The following KIF16B variants were observed in gnomAD, a reference collection of about 807,000 sequenced individuals.
KIF16B encodes the protein kinesin-like protein KIF16B.
A neutral mutation model predicts 156.3 loss-of-function variants in KIF16B; 98 were observed. That is an observed-to-expected ratio of 0.63 (90% confidence interval 0.53 to 0.74). The LOEUF is 0.74. Ranked by LOEUF, KIF16B falls within the 30% of genes least tolerant of loss-of-function variation. The pLI, the probability that KIF16B is intolerant of heterozygous loss-of-function variation, is 0.00. For missense variants in KIF16B, 1,421 were observed against 1,606.5 expected (o/e 0.88, Z 1.97); for synonymous variants, 564 against 583.7 (o/e 0.97, Z 0.49).
chr20:16,415,859 C>T (rs1266302976), intron 15 of KIF16B, among the ~76,000 whole-genome samples: 5 of 152,130 alleles, frequency 3.3e-5, no homozygotes, highest in South Asian at 2.1e-4. Context: ...GCACACTCCA[C>T]CCTGTTTCTC....
chr20:16,405,241 A>G (rs570242998), intron 16 of KIF16B, among the ~76,000 whole-genome samples: 1 of 152,254 alleles, frequency 6.6e-6, no homozygotes, highest in South Asian at 2.1e-4. Context: ...GCAGGCAGCA[A>G]TCTCCTATAA....
At chr20:16,462,615 C>T (rs564235842) in intron 12 of KIF16B, among the ~76,000 whole-genome samples, 4 of 151,966 alleles carry the variant, frequency 2.6e-5, no homozygotes, top group East Asian at 1.9e-4. Flanking sequence ...GAGAGCAAAG[C>T]GAACAGGAGG....
In KIF16B at chr20:16,374,138, A is replaced by T. The variant is rs1321603253; in HGVS notation, c.3350+119T>A. 3 of 968,710 alleles carry T rather than the reference A, an allele frequency of 3.1e-6. No homozygotes were observed. In the African/African-American group the frequency reaches 5.0e-5, roughly 16 times the overall value. The allele number at this position is 968,710 out of a possible 1,614,324, so 60.0% of individuals were successfully genotyped here. A position where few individuals can be genotyped will look rare whatever the true frequency, so the allele number is the denominator to read the frequency against. On this transcript the variant is annotated intron_variant, in intron 20 of 25. Coordinates refer to ENST00000354981, the MANE Select transcript of KIF16B (RefSeq NM_024704.5). The stretch of plus-strand genomic sequence containing the variant: ...GATGAAGGCAGAGCACATCTCAAGC[A>T]CGTGTATTACTTGTTGCCCTTAATA...
intron 12 of KIF16B, among the ~76,000 whole-genome samples, chr20:16,464,559 A>G (rs1215018353): frequency 6.6e-6 from 1 of 152,162 alleles, no homozygotes; most frequent in Non-Finnish European, 1.5e-5. Context: ...CAAACATCAA[A>G]CTTGTGACAA....
intron 1 of KIF16B, among the ~76,000 whole-genome samples, chr20:16,560,224 CA>C: frequency 6.6e-6 from 1 of 152,228 alleles, no homozygotes; most frequent in South Asian, 2.1e-4. Flanking sequence ...GAGAACAGAC[CA>C]GATATTTTCG....
At chr20:16,473,508 C>T (rs923771553) in intron 12 of KIF16B, among the ~76,000 whole-genome samples, 1 of 152,130 alleles carries the variant, frequency 6.6e-6, no homozygotes. Flanking sequence ...AATGTTAGTA[C>T]CCCATGGAAG....
intron 1 of KIF16B, among the ~76,000 whole-genome samples, chr20:16,542,016 C>T (rs571391185): frequency 1.3e-5 from 2 of 152,320 alleles, no homozygotes; most frequent in Admixed American, 1.3e-4. Context: ...GCCTACTGTA[C>T]CAACCTCCCC....
chr20:16,538,977 T>C (rs1230866428), intron 1 of KIF16B, among the ~76,000 whole-genome samples: 2 of 152,144 alleles, frequency 1.3e-5, no homozygotes, highest in Admixed American at 6.5e-5. Context: ...CCTTCAGCCA[T>C]GAGTAATAGC....
At chr20:16,432,261 C>G (rs1299654876) in intron 12 of KIF16B, among the ~76,000 whole-genome samples, 1 of 152,068 alleles carries the variant, frequency 6.6e-6, no homozygotes. Flanking sequence ...CAGACTAAAT[C>G]ATGTACAAGA....
At chr20:16,437,422 A>G (rs1284745603) in intron 12 of KIF16B, among the ~76,000 whole-genome samples, 1 of 152,220 alleles carries the variant, frequency 6.6e-6, no homozygotes, top group Non-Finnish European at 1.5e-5. Flanking sequence ...GACAATTTTG[A>G]AAACAGAAAT....
intron 23 of KIF16B, among the ~76,000 whole-genome samples, chr20:16,353,188 A>G (rs1369589138): frequency 1.3e-5 from 2 of 152,324 alleles, no homozygotes; most frequent in South Asian, 4.1e-4. Flanking sequence ...TTAAATAGCC[A>G]CTGGTTCACC....
At chr20:16,514,066 G>A (rs1279576445) in intron 4 of KIF16B, among the ~76,000 whole-genome samples, 4 of 152,154 alleles carry the variant, frequency 2.6e-5, no homozygotes, top group African/African-American at 7.2e-5. Flanking sequence ...TTAAAATGAA[G>A]AAAGGATACC....
chr20:16,453,975 T>C (rs1291862270), intron 12 of KIF16B, among the ~76,000 whole-genome samples: 1 of 152,200 alleles, frequency 6.6e-6, no homozygotes, highest in East Asian at 1.9e-4. Flanking sequence ...CACACACACA[T>C]GCACACACGC....
intron 1 of KIF16B, among the ~76,000 whole-genome samples, chr20:16,532,398 G>A (rs1485603985): frequency 6.6e-6 from 1 of 152,164 alleles, no homozygotes; most frequent in South Asian, 2.1e-4. Flanking sequence ...CAGATTCCCA[G>A]GGCCAAGTTT....
chr20:16,506,334 A>G, intron 7 of KIF16B, 144 bp from the exon 8 acceptor site: 1 of 663,382 alleles, frequency 1.5e-6, no homozygotes, highest in Non-Finnish European at 2.6e-6. Flanking sequence ...TGGCCTTCCT[A>G]CTGATTACAG....
chr20:16,512,084 T>C (rs1475093030), intron 5 of KIF16B, among the ~76,000 whole-genome samples: 1 of 151,796 alleles, frequency 6.6e-6, no homozygotes, highest in Non-Finnish European at 1.5e-5. Flanking sequence ...GAGGTGGAGG[T>C]TGCAATGAGC....
intron 3 of KIF16B, among the ~76,000 whole-genome samples, chr20:16,517,722 C>T (rs2069190059): frequency 6.6e-6 from 1 of 152,180 alleles, no homozygotes; most frequent in South Asian, 2.1e-4. Flanking sequence ...CAGTTGGAGG[C>T]TCATTTTCAC....
chr20:16,410,240 G>GGTACATATATATATATGTCGGT (rs1555877778), intron 15 of KIF16B, among the ~76,000 whole-genome samples: 35 of 136,686 alleles, frequency 2.6e-4, no homozygotes, highest in African/African-American at 8.9e-4. Context: ...CATATATGTA[G>GGTACATATATATATATGTCGGT]GTACATATAT....
chr20:16,282,868 G>T (rs1601484813), intron 25 of KIF16B, among the ~76,000 whole-genome samples: 1 of 152,314 alleles, frequency 6.6e-6, no homozygotes, highest in Admixed American at 6.5e-5. Context: ...GTCTCTTCCA[G>T]CTGCCATACA....
Sources: allele counts gnomAD v4.1 joint callset (sites outside exome capture counted in the v4.1 genomes callset), GRCh38; gene constraint gnomAD v4.1.1; transcripts MANE v1.5; gene names NCBI Gene and HGNC (gene_info 2026-07-23, HGNC 2026-07-21).